ALDH7A1: variants seen among roughly 807,000 people sequenced by gnomAD.
ALDH7A1 encodes the protein aldehyde dehydrogenase 7 family member A1.
Under a neutral mutation model 79.9 loss-of-function variants are expected in ALDH7A1, and 63 were observed. The ratio of observed to expected loss-of-function variants is 0.79; its 90% CI spans 0.64 to 0.97. The LOEUF is 0.97. Ranked by LOEUF, ALDH7A1 falls within the 50% of genes least tolerant of loss-of-function variation. The probability of loss-of-function intolerance (pLI) is 0.00; values close to 1 mark genes in which losing one functional copy is unlikely to be tolerated. For missense variants in ALDH7A1, 627 were observed against 665.2 expected (o/e 0.94, Z 0.63); for synonymous variants, 240 against 231.2 (o/e 1.04, Z -0.34).
chr5:126,555,950 T>A lies in ALDH7A1; in HGVS notation c.1074A>T (p.Arg358=). The A allele has an allele frequency of 1.2e-6, 2 of 1,613,470 alleles. No homozygotes were observed. Among genetic ancestry groups the A allele is most frequent in the Non-Finnish European group, 1.7e-6 (2 of 1,179,530 alleles). ...NRLKKAYAQI[R]VGNPWDPNVL... Reference sequence around the variant, plus strand: ...ACTCACGGTCCCATGGGTTCCCAACTCGGATCTGTGCATAGGCCTTTTTAA... The same window carrying A: ...ACTCACGGTCCCATGGGTTCCCAACACGGATCTGTGCATAGGCCTTTTTAA... Residue 358 remains arginine, a synonymous_variant, in exon 12 of 18, where the codon CGA becomes CGT. Transcript: ENST00000409134.
At chr5:126,574,023 C>CAAAA (rs34601459) in intron 7 of ALDH7A1, among the ~76,000 whole-genome samples, 592 of 57,062 alleles carry the variant, frequency 0.01, 17 homozygotes, top group African/African-American at 0.029. Context: ...AAGACTGTCT[C>CAAAA]AAAAAAAAAA....
chr5:126,594,370 G>T (rs868442743), intron 1 of ALDH7A1: 6 of 434,392 alleles, frequency 1.4e-5, no homozygotes, highest in Admixed American at 7.4e-5. Context: ...TCTAAATTAA[G>T]ATCAGTTGCA....
chr5:126,557,518 G>T (rs1361246397), intron 11 of ALDH7A1, among the ~76,000 whole-genome samples: 3 of 151,620 alleles, frequency 2.0e-5, no homozygotes, highest in Non-Finnish European at 2.9e-5. Context: ...ACCTGGAGGT[G>T]GAGGTTACGG....
rs372127110 is a variant in ALDH7A1 at position 126,552,042 on chromosome 5, A to C, written c.1296T>G (p.Ile432Met). ...SIAHTETFAP[I>M]LYVFKFKNEE... ...TTACCTTGAATTTAAAGACATAGAG[A>C]ATCGGAGCAAAAGTCTCTGTGTGTG... is the stretch of plus-strand genomic sequence containing the variant. The change falls in exon 14 of 18, where the codon ATT becomes ATG. Residue 432 changes from isoleucine to methionine, a missense_variant. Transcript: ENST00000409134. 11 of 1,613,446 alleles carry C rather than the reference A, an allele frequency of 6.8e-6. No homozygotes were observed. The highest frequency in any genetic ancestry group is 1.7e-4 in the Middle Eastern group (1 of 5,778).
intron 7 of ALDH7A1, chr5:126,571,176 T>TTTTTTA (rs869167520): frequency 1.6e-5 from 5 of 305,594 alleles, no homozygotes; most frequent in African/African-American, 5.2e-5. Context: ...TTTTTTTTTT[T>TTTTTTA]AGCCCTAAAA....
chr5:126,563,844 AGTG>A (rs1204168800), intron 9 of ALDH7A1, among the ~76,000 whole-genome samples: 1 of 151,892 alleles, frequency 6.6e-6, no homozygotes, highest in Non-Finnish European at 1.5e-5. Flanking sequence ...GCTGGAATAT[AGTG>A]GTGCTATCAT....
intron 7 of ALDH7A1, among the ~76,000 whole-genome samples, chr5:126,572,435 G>A (rs1440169390): frequency 6.6e-6 from 1 of 152,176 alleles, no homozygotes; most frequent in Non-Finnish European, 1.5e-5. Flanking sequence ...GTGCCTATGG[G>A]TAAAGGTTAA....
At chr5:126,585,143 C>T (rs1444453106) in intron 3 of ALDH7A1, among the ~76,000 whole-genome samples, 1 of 152,010 alleles carries the variant, frequency 6.6e-6, no homozygotes, top group African/African-American at 2.4e-5. Flanking sequence ...ACTAAAAATA[C>T]AAAAATTAGC....
chr5:126,563,908 C>T (rs1417968322), intron 9 of ALDH7A1, among the ~76,000 whole-genome samples: 1 of 152,082 alleles, frequency 6.6e-6, no homozygotes, highest in Non-Finnish European at 1.5e-5. Flanking sequence ...CATCCTCAGC[C>T]TCCCAAGTAG....
chr5:126,562,883 A>T (rs1750451232), intron 9 of ALDH7A1, among the ~76,000 whole-genome samples: 1 of 152,180 alleles, frequency 6.6e-6, no homozygotes, highest in African/African-American at 2.4e-5. Context: ...GAAATAAGGT[A>T]GTCACTAAAG....
intron 8 of ALDH7A1, chr5:126,570,376 G>A (rs367842159): frequency 5.1e-6 from 1 of 197,462 alleles, no homozygotes; most frequent in East Asian, 1.4e-4. Flanking sequence ...GTGTTCCCAG[G>A]GTTCCCTTTT....
chr5:126,546,369 T>A lies in ALDH7A1; in HGVS notation c.1520A>T (p.Glu507Val), dbSNP rs80049945. ...CTGTTTCCAGGCATCACTGCCAGAC[T>A]CCCTGCCACCACCAGTGTGCTTTTC... ...GGEKHTGGGR[E>V]SGSDAWKQYM... Residue 507 changes from glutamate (E) to valine (V), a missense_variant, in exon 17 of 18, where the codon GAG becomes GTG. Transcript: ENST00000409134. 1.2e-6 allele frequency: 2 copies of A among 1,614,054 alleles called. No homozygotes were observed. Among genetic ancestry groups the A allele is most frequent in the East Asian group, 4.5e-5 (2 of 44,890 alleles).
chr5:126,550,114 T>G (rs938339553), intron 15 of ALDH7A1, 82 bp downstream of exon 15: 2 of 1,535,506 alleles, frequency 1.3e-6, no homozygotes, highest in African/African-American at 2.7e-5. Context: ...GAAAAACTGA[T>G]TTTAGACTAC....
At chr5:126,587,342 A>G (rs1326943337) in intron 3 of ALDH7A1, 2 of 152,064 alleles carry the variant, frequency 1.3e-5, no homozygotes, top group African/African-American at 4.8e-5. Context: ...TTCCCTTTGA[A>G]AAATTCTAGA....
intron 11 of ALDH7A1, among the ~76,000 whole-genome samples, chr5:126,558,532 G>T (rs1272562581): frequency 6.6e-6 from 1 of 152,034 alleles, no homozygotes; most frequent in Non-Finnish European, 1.5e-5. Context: ...TGATTGATTG[G>T]TTGAGACAGG....
chr5:126,566,996 T>C (rs1750605290), intron 9 of ALDH7A1, among the ~76,000 whole-genome samples: 1 of 152,208 alleles, frequency 6.6e-6, no homozygotes, highest in Non-Finnish European at 1.5e-5. Context: ...AAAGCAAAAT[T>C]TATTCAAAGA....
At chr5:126,563,489 G>A (rs541634504) in intron 9 of ALDH7A1, among the ~76,000 whole-genome samples, 1 of 152,226 alleles carries the variant, frequency 6.6e-6, no homozygotes, top group Non-Finnish European at 1.5e-5. Flanking sequence ...AGCAGGCCAT[G>A]AATGCCATTC....
intron 5 of ALDH7A1, chr5:126,581,889 A>C (rs1208868103): frequency 3.4e-6 from 1 of 294,444 alleles, no homozygotes; most frequent in Non-Finnish European, 6.2e-6. Context: ...GAGGCAGAAG[A>C]ATCGCTTGAA....
intron 3 of ALDH7A1, among the ~76,000 whole-genome samples, chr5:126,591,645 C>T (rs1265763087): frequency 2.0e-5 from 3 of 152,122 alleles, no homozygotes; most frequent in East Asian, 1.9e-4. Flanking sequence ...CACCCCCAGT[C>T]TTTTCTTTTT....
Sources: gnomAD v4.1 joint callset for allele counts (sites outside exome capture counted in the v4.1 genomes callset) on GRCh38, gnomAD v4.1.1 for gene constraint, MANE v1.5 for transcripts, NCBI Gene and HGNC (gene_info 2026-07-23, HGNC 2026-07-21) for gene names.